PRORP: variants seen among roughly 807,000 people sequenced by gnomAD.
PRORP encodes the protein mitochondrial ribonuclease P catalytic subunit.
In PRORP, 51 loss-of-function variants were observed where a neutral mutation model predicts 59.4. The ratio of observed to expected loss-of-function variants is 0.86; its 90% CI spans 0.69 to 1.08. PRORP has a LOEUF of 1.08. PRORP is among the 50% of genes least tolerant of loss of function. The pLI, the probability that PRORP is intolerant of heterozygous loss-of-function variation, is 0.00. For synonymous variants in PRORP, 231 were observed against 245.6 expected, an observed-to-expected ratio of 0.94 and a Z score of 0.55; for missense variants, 646 against 690.3, an observed-to-expected ratio of 0.94 and a Z score of 0.72.
At chr14:35,157,561 T>C (rs1481527303) in intron 4 of PRORP, among the ~76,000 whole-genome samples, 1 of 152,204 alleles carries the variant, frequency 6.6e-6, no homozygotes, top group African/African-American at 2.4e-5. Flanking sequence ...AGCTAATTTT[T>C]GTATTTTTAG....
chr14:35,185,891 A>G (rs775976283), intron 5 of PRORP, among the ~76,000 whole-genome samples: 2 of 152,370 alleles, frequency 1.3e-5, no homozygotes, highest in Non-Finnish European at 2.9e-5. Context: ...AGATTATGGT[A>G]TGAACTATAT....
At chr14:35,157,460 G>C (rs1319092533) in intron 4 of PRORP, among the ~76,000 whole-genome samples, 2 of 152,184 alleles carry the variant, frequency 1.3e-5, no homozygotes, top group Non-Finnish European at 2.9e-5. Context: ...TGGATGATCA[G>C]ATCCAAACCA....
At chr14:35,263,575 G>A (rs1377361493) in intron 5 of PRORP, among the ~76,000 whole-genome samples, 1 of 152,046 alleles carries the variant, frequency 6.6e-6, no homozygotes, top group African/African-American at 2.4e-5. Flanking sequence ...GTAATCCAAG[G>A]TACTCAGGAG....
intron 5 of PRORP, among the ~76,000 whole-genome samples, chr14:35,184,193 G>A (rs904411024): frequency 2.0e-5 from 3 of 151,772 alleles, no homozygotes; most frequent in African/African-American, 7.3e-5. Flanking sequence ...CATTGTTTAT[G>A]GAATAGCACC....
At chr14:35,212,745 G>A (rs910080337) in intron 5 of PRORP, among the ~76,000 whole-genome samples, 25 of 152,290 alleles carry the variant, frequency 1.6e-4, no homozygotes, top group African/African-American at 5.5e-4. Context: ...ACTGGTGAGT[G>A]AGCATTGGCT....
chr14:35,145,839 A>ATTTATTTT (rs1400050004), intron 4 of PRORP, among the ~76,000 whole-genome samples: 2 of 111,790 alleles, frequency 1.8e-5, no homozygotes, highest in South Asian at 3.1e-4. Context: ...TTATTTTTTT[A>ATTTATTTT]TTTTTTGAGA....
chr14:35,268,698 C>T (rs1304908733), intron 6 of PRORP, among the ~76,000 whole-genome samples: 1 of 152,106 alleles, frequency 6.6e-6, no homozygotes, highest in Admixed American at 6.5e-5. Context: ...CGGGTTCAAG[C>T]GATTCTCCTG....
intron 4 of PRORP, among the ~76,000 whole-genome samples, chr14:35,153,489 G>T (rs536578320): frequency 2.6e-5 from 4 of 152,280 alleles, no homozygotes; most frequent in African/African-American, 9.6e-5. Flanking sequence ...GAGGTTAAGT[G>T]ACTTGCCAAG....
intron 5 of PRORP, among the ~76,000 whole-genome samples, chr14:35,251,846 G>T (rs1343605892): frequency 6.6e-6 from 1 of 151,830 alleles, no homozygotes; most frequent in African/African-American, 2.4e-5. Context: ...GAGCCACCGC[G>T]CCTGGCTGTT....
intron 7 of PRORP, among the ~76,000 whole-genome samples, chr14:35,270,948 G>T (rs527922172): frequency 3.8e-4 from 58 of 151,686 alleles, no homozygotes; most frequent in African/African-American, 1.4e-3. Flanking sequence ...TTAGCCAGGC[G>T]TGGTGGCGGG....
At chr14:35,235,561 T>G in intron 5 of PRORP, 1 of 547,458 alleles carries the variant, frequency 1.8e-6, no homozygotes, top group Non-Finnish European at 3.5e-6. Flanking sequence ...TGTTAACTCC[T>G]GCTCGAAGGA....
chr14:35,164,440 G>A (rs1595221296), intron 4 of PRORP, among the ~76,000 whole-genome samples: 1 of 152,210 alleles, frequency 6.6e-6, no homozygotes. Flanking sequence ...ATACACCATG[G>A]AATGCTATGC....
chr14:35,187,533 G>T (rs554885241), intron 5 of PRORP, among the ~76,000 whole-genome samples: 1 of 150,132 alleles, frequency 6.7e-6, no homozygotes, highest in African/African-American at 2.4e-5. Flanking sequence ...AGCAATTCTC[G>T]TGGCTCAGAC....
intron 5 of PRORP, among the ~76,000 whole-genome samples, chr14:35,237,845 G>A (rs1034085485): frequency 1.8e-4 from 27 of 151,914 alleles, no homozygotes; most frequent in African/African-American, 5.1e-4. Flanking sequence ...TAGTAGAGAC[G>A]GGGTTTCACT....
At chr14:35,178,788 G>T (rs1174095220) in intron 4 of PRORP, among the ~76,000 whole-genome samples, 1 of 152,166 alleles carries the variant, frequency 6.6e-6, no homozygotes, top group East Asian at 1.9e-4. Context: ...TCATTGTGAT[G>T]TTAGCTGGTT....
chr14:35,132,722 G>T (rs1345394983), intron 4 of PRORP, among the ~76,000 whole-genome samples: 1 of 150,718 alleles, frequency 6.6e-6, no homozygotes, highest in African/African-American at 2.4e-5. Context: ...GTGAAGCGGA[G>T]GTTGTAGTGA....
chr14:35,245,966 C>T (rs1056082803), intron 5 of PRORP, among the ~76,000 whole-genome samples: 1 of 152,108 alleles, frequency 6.6e-6, no homozygotes, highest in African/African-American at 2.4e-5. Flanking sequence ...TATTCTTACA[C>T]ATGATGGTAT....
At chr14:35,183,541 C>T (rs1177254952) in intron 5 of PRORP, among the ~76,000 whole-genome samples, 2 of 151,956 alleles carry the variant, frequency 1.3e-5, no homozygotes, top group African/African-American at 2.4e-5. Flanking sequence ...ATAAGTAATA[C>T]TTGGAAGACA....
In PRORP at chr14:35,123,944, A is replaced by G; in HGVS notation, c.699A>G (p.Leu233=). 1 of 1,614,192 alleles carries G rather than the reference A, an allele frequency of 6.2e-7. No individual in the cohort carries two copies. Among genetic ancestry groups the G allele is most frequent in the East Asian group, 2.2e-5 (1 of 44,874 alleles). The change falls in exon 2 of 8, where the codon TTA becomes TTG. Residue 233 remains leucine, a synonymous_variant. Coordinates refer to ENST00000534898, the MANE Select transcript of PRORP (RefSeq NM_014672.4). ...GATGGAGAGAAGCATTGTTGCTGTT[A>G]GAGGACATCAAAAAAGTTATAACTC... is the stretch of plus-strand genomic sequence containing the variant. ...SDRWREALLL[L]EDIKKVITPS...
Sources: allele counts gnomAD v4.1 joint callset (sites outside exome capture counted in the v4.1 genomes callset), GRCh38; gene constraint gnomAD v4.1.1; transcripts MANE v1.5; gene names NCBI Gene and HGNC (gene_info 2026-07-23, HGNC 2026-07-21).